The following FAM117A variants were observed in gnomAD, a reference collection of about 807,000 sequenced individuals.
FAM117A encodes the protein family with sequence similarity 117 member A.
In FAM117A, 21 loss-of-function variants were observed where a neutral mutation model predicts 44.1. That is an observed-to-expected ratio of 0.48 (90% CI 0.34 to 0.69). The LOEUF is 0.69. Ranked by LOEUF, FAM117A falls within the 30% of genes least tolerant of loss-of-function variation. The pLI is 0.01. For missense variants in FAM117A, 498 were observed against 589.9 expected, an observed-to-expected ratio of 0.84 and a Z score of 1.61; for synonymous variants, 220 against 238.3, an observed-to-expected ratio of 0.92 and a Z score of 0.71.
chr17:49,741,614 C>A (rs2073634905), intron 1 of FAM117A, among the ~76,000 whole-genome samples: 1 of 152,058 alleles, frequency 6.6e-6, no homozygotes, highest in East Asian at 1.9e-4. Flanking sequence ...CCTGTCCTGT[C>A]CTGTCCTAGT....
intron 1 of FAM117A, among the ~76,000 whole-genome samples, chr17:49,748,539 C>CA (rs1325284399): frequency 6.6e-6 from 1 of 151,980 alleles, no homozygotes; most frequent in African/African-American, 2.4e-5. Context: ...TGCCTAAGGA[C>CA]AAAAAATCTA....
chr17:49,738,316 C>T (rs1382070834), intron 1 of FAM117A, among the ~76,000 whole-genome samples: 1 of 152,136 alleles, frequency 6.6e-6, no homozygotes, highest in Non-Finnish European at 1.5e-5. Flanking sequence ...CTTTCCGGCT[C>T]CCTCTGACCA....
chr17:49,775,207 C>T (rs922435590), intron 1 of FAM117A, among the ~76,000 whole-genome samples: 2 of 152,192 alleles, frequency 1.3e-5, no homozygotes, highest in African/African-American at 2.4e-5. Flanking sequence ...AGACTGATCT[C>T]AAACCCCTGG....
chr17:49,713,251 T>G (rs1404475984), intron 7 of FAM117A, among the ~76,000 whole-genome samples: 1 of 152,064 alleles, frequency 6.6e-6, no homozygotes, highest in Non-Finnish European at 1.5e-5. Flanking sequence ...GAAGATGGGA[T>G]GATAAAAGGT....
intron 1 of FAM117A, among the ~76,000 whole-genome samples, chr17:49,749,393 G>T (rs1308236222): frequency 6.6e-6 from 1 of 151,836 alleles, no homozygotes; most frequent in African/African-American, 2.4e-5. Flanking sequence ...TGGCCAACAT[G>T]GTGAAACCCC....
intron 1 of FAM117A, among the ~76,000 whole-genome samples, chr17:49,750,226 C>T (rs1456104766): frequency 6.7e-6 from 1 of 148,798 alleles, no homozygotes; most frequent in Non-Finnish European, 1.5e-5. Flanking sequence ...TTTTCTTACA[C>T]ATGCTCAAAC....
upstream of FAM117A, among the ~76,000 whole-genome samples, chr17:49,766,613 C>T (rs1396366837): frequency 6.6e-6 from 1 of 152,192 alleles, no homozygotes; most frequent in African/African-American, 2.4e-5. Flanking sequence ...CTTTTCTTGT[C>T]TGACAACTTA....
At chr17:49,723,058 GATT>G (rs762099791) in intron 2 of FAM117A, among the ~76,000 whole-genome samples, 2 of 152,122 alleles carry the variant, frequency 1.3e-5, no homozygotes, top group Non-Finnish European at 2.9e-5. Context: ...TGCATTAAGG[GATT>G]ATTAACTGGT....
chr17:49,711,441 G>A lies in FAM117A; in HGVS notation c.1176C>T (p.Pro392=), dbSNP rs754850174. The change falls in exon 8 of 8, where the codon CCC becomes CCT. Residue 392 remains proline (P), a synonymous_variant. Transcript: ENST00000240364. ...CPVNLMKPLF[P]GMGFIFRNCP... is the part of the protein sequence containing the mutation. ...AGTTACGGAAGATGAAGCCCATGCC[G>A]GGGAAGAGGGGCTTCATCAGGTTGA... 1.4e-5 allele frequency: 23 copies of A among 1,613,794 alleles called. No individual in the cohort carries two copies. Among genetic ancestry groups the A allele is most frequent in the South Asian group, 7.7e-5 (7 of 91,090 alleles).
Position 49,778,521 on chromosome 17 carries a change from T to C in FAM117A, c.-621+9976A>G, listed in dbSNP as rs536093356. ...ATTTTGCCTGGTATAGTAGTCTCCA[T>C]TTAGATCAATTCAGATTACTTTCCC... On this transcript the variant is annotated intron_variant, in intron 1 of 7. Transcript: ENST00000513602. 2.0e-5 allele frequency among the ~76,000 whole-genome samples: 3 copies of C among 152,308 alleles called. No homozygotes were observed. The South Asian group carries it at 6.2e-4, about 32-fold the overall frequency.
chr17:49,762,822 T>C (rs1320440425), intron 1 of FAM117A, among the ~76,000 whole-genome samples: 1 of 152,184 alleles, frequency 6.6e-6, no homozygotes, highest in Non-Finnish European at 1.5e-5. Flanking sequence ...CTCATGCAAG[T>C]AGGTTCCTTT....
intron 1 of FAM117A, among the ~76,000 whole-genome samples, chr17:49,788,165 T>C (rs1404816720): frequency 6.6e-6 from 1 of 152,250 alleles, no homozygotes; most frequent in African/African-American, 2.4e-5. Flanking sequence ...GGAAACTTGA[T>C]GGCGGACGCT....
intron 7 of FAM117A, 42 bp downstream of exon 7, chr17:49,716,123 C>A: frequency 8.5e-7 from 1 of 1,180,998 alleles, no homozygotes; most frequent in Non-Finnish European, 1.3e-6. Context: ...AGAATGTAGG[C>A]CCACCCTCCC....
intron 1 of FAM117A, among the ~76,000 whole-genome samples, chr17:49,737,688 T>C (rs1345182444): frequency 1.3e-5 from 2 of 152,168 alleles, no homozygotes; most frequent in Admixed American, 6.5e-5. Context: ...TTTTGCCCCA[T>C]CCCCACAAAG....
chr17:49,769,424 C>T (rs977190386), intron 1 of FAM117A, among the ~76,000 whole-genome samples: 45 of 151,774 alleles, frequency 3.0e-4, no homozygotes, highest in Non-Finnish European at 8.8e-5. Flanking sequence ...ATAGGCCGGG[C>T]GCGGTGGCTC....
chr17:49,723,827 C>T (rs553878716), intron 2 of FAM117A, among the ~76,000 whole-genome samples: 7 of 152,126 alleles, frequency 4.6e-5, no homozygotes, highest in Non-Finnish European at 7.4e-5. Context: ...CCCAGCTGCT[C>T]ATGGATCAGC....
At chr17:49,742,987 CA>C (rs2073640713) in intron 1 of FAM117A, among the ~76,000 whole-genome samples, 1 of 152,158 alleles carries the variant, frequency 6.6e-6, no homozygotes, top group South Asian at 2.1e-4. Context: ...GCTGAGCTTC[CA>C]AGGTGATGCA....
chr17:49,759,792 G>A (rs981682053), intron 1 of FAM117A, among the ~76,000 whole-genome samples: 1 of 152,130 alleles, frequency 6.6e-6, no homozygotes, highest in Non-Finnish European at 1.5e-5. Context: ...TCGTATTCAC[G>A]AAACAGCCAT....
chr17:49,722,734 G>A (rs1277434653), intron 2 of FAM117A, 140 bp from the exon 3 acceptor site: 2 of 654,264 alleles, frequency 3.1e-6, no homozygotes, highest in Non-Finnish European at 5.3e-6. Context: ...CCCAGTCGGT[G>A]TTCTTCTTCA....
Sources: allele counts gnomAD v4.1 joint callset (sites outside exome capture counted in the v4.1 genomes callset), GRCh38; gene constraint gnomAD v4.1.1; transcripts MANE v1.5; gene names NCBI Gene and HGNC (gene_info 2026-07-23, HGNC 2026-07-21).